The following SLC35D4 variants were observed in gnomAD, a reference collection of about 807,000 sequenced individuals.
SLC35D4 encodes UDP-N-acetylglucosamine transporter SLC35D4.
the SLC35D4 span, chr18:23,253,755 C>A: frequency 6.2e-7 from 1 of 1,614,156 alleles, no homozygotes; most frequent in Non-Finnish European, 8.5e-7. Context: ...CGGAAGCTTG[C>A]GCAGGAGGAC....
At chr18:23,408,753 C>A in the SLC35D4 span, among the ~76,000 whole-genome samples, 4 of 151,672 alleles carry the variant, frequency 2.6e-5, no homozygotes, top group African/African-American at 9.7e-5. Flanking sequence ...CTTCAACAGA[C>A]ATGAACTTAA....
chr18:23,283,273 G>T, the SLC35D4 span, among the ~76,000 whole-genome samples: 1 of 152,096 alleles, frequency 6.6e-6, no homozygotes, highest in East Asian at 1.9e-4. Flanking sequence ...GATTGCTTGA[G>T]CTCAGGAGTT....
At chr18:23,305,590 T>C in the SLC35D4 span, among the ~76,000 whole-genome samples, 2 of 152,220 alleles carry the variant, frequency 1.3e-5, no homozygotes. Context: ...GGCACAGTAG[T>C]TGCCCAATAA....
the SLC35D4 span, among the ~76,000 whole-genome samples, chr18:23,371,136 C>T: frequency 6.6e-6 from 1 of 151,022 alleles, no homozygotes; most frequent in African/African-American, 2.4e-5. Flanking sequence ...CCTCTTTTGC[C>T]CAGGCTGGAG....
the SLC35D4 span, among the ~76,000 whole-genome samples, chr18:23,308,608 C>T: frequency 6.6e-6 from 1 of 152,126 alleles, no homozygotes; most frequent in Non-Finnish European, 1.5e-5. Context: ...CATCTTGCAC[C>T]TAGATCATGG....
chr18:23,373,690 A>C, the SLC35D4 span: 5 of 1,613,212 alleles, frequency 3.1e-6, no homozygotes, highest in South Asian at 5.5e-5. Flanking sequence ...CTTTGAAGGC[A>C]AATGAGTTCA....
the SLC35D4 span, among the ~76,000 whole-genome samples, chr18:23,425,491 G>C: frequency 4.9e-4 from 75 of 152,322 alleles, no homozygotes; most frequent in African/African-American, 1.7e-3. Context: ...ATAACTGAAA[G>C]AGCATTGAAT....
the SLC35D4 span, among the ~76,000 whole-genome samples, chr18:23,417,336 C>T: frequency 1.3e-5 from 2 of 152,050 alleles, no homozygotes; most frequent in African/African-American, 2.4e-5. Context: ...ATTGTTCAGC[C>T]TCCACAAGGA....
chr18:23,336,552 C>G, the SLC35D4 span, among the ~76,000 whole-genome samples: 5 of 152,162 alleles, frequency 3.3e-5, no homozygotes, highest in African/African-American at 1.2e-4. Flanking sequence ...TACAGTACAG[C>G]TTCATGTGGT....
At chr18:23,349,464 T>C in the SLC35D4 span, among the ~76,000 whole-genome samples, 2 of 152,204 alleles carry the variant, frequency 1.3e-5, no homozygotes, top group African/African-American at 4.8e-5. Flanking sequence ...ACCCCGTCTC[T>C]GCTAAAAATA....
chr18:23,343,114 G>T, the SLC35D4 span, among the ~76,000 whole-genome samples: 1 of 151,886 alleles, frequency 6.6e-6, no homozygotes, highest in Non-Finnish European at 1.5e-5. Flanking sequence ...GTAGAGACAG[G>T]GTTTCACTAT....
chr18:23,330,991 A>C, the SLC35D4 span: 5 of 151,818 alleles, frequency 3.3e-5, no homozygotes, highest in African/African-American at 7.3e-5. Flanking sequence ...CCATCTCTAC[A>C]AAAAAATTGA....
At chr18:23,421,437 T>A in the SLC35D4 span, 1 of 1,614,010 alleles carries the variant, frequency 6.2e-7, no homozygotes, top group African/African-American at 1.3e-5. Flanking sequence ...CCAATGAGCG[T>A]CTGCCACCTG....
At chr18:23,387,229 T>C in the SLC35D4 span, among the ~76,000 whole-genome samples, 22 of 152,116 alleles carry the variant, frequency 1.4e-4, no homozygotes, top group Admixed American at 1.4e-3. Context: ...TTATTGTTGA[T>C]AATGATAATG....
the SLC35D4 span, among the ~76,000 whole-genome samples, chr18:23,290,667 C>T: frequency 6.6e-6 from 1 of 151,664 alleles, no homozygotes. Flanking sequence ...CACTGTGTCG[C>T]CCACGCTGGA....
chr18:23,276,077 A>G, the SLC35D4 span, among the ~76,000 whole-genome samples: 2 of 151,860 alleles, frequency 1.3e-5, no homozygotes, highest in Non-Finnish European at 2.9e-5. Context: ...GCACTTAAAA[A>G]TGGGGAAAAG....
the SLC35D4 span, among the ~76,000 whole-genome samples, chr18:23,345,165 T>A: frequency 6.6e-6 from 1 of 152,054 alleles, no homozygotes; most frequent in African/African-American, 2.4e-5. Flanking sequence ...TATGGATATC[T>A]GATTGCTCCA....
chr18:23,311,608 G>C, the SLC35D4 span, among the ~76,000 whole-genome samples: 1 of 152,108 alleles, frequency 6.6e-6, no homozygotes, highest in Non-Finnish European at 1.5e-5. Context: ...TGACTTGAAG[G>C]CCCCTGGATC....
At chr18:23,243,172 G>T in the SLC35D4 span, among the ~76,000 whole-genome samples, 1 of 152,106 alleles carries the variant, frequency 6.6e-6, no homozygotes, top group East Asian at 1.9e-4. Flanking sequence ...GATTTGTTGG[G>T]AAGCTAATGC....
Sources: gnomAD v4.1 joint callset for allele counts (sites outside exome capture counted in the v4.1 genomes callset) on GRCh38, gnomAD v4.1.1 for gene constraint, MANE v1.5 for transcripts, NCBI Gene and HGNC (gene_info 2026-07-23, HGNC 2026-07-21) for gene names.